CPSF4: variants seen among roughly 807,000 people sequenced by gnomAD.
CPSF4 encodes cleavage and polyadenylation specificity factor subunit 4.
Under a neutral mutation model 37.7 loss-of-function variants are expected in CPSF4, and 11 were observed. That is an observed-to-expected ratio of 0.29 (90% CI 0.18 to 0.48). The LOEUF (loss-of-function observed/expected upper bound fraction) is 0.48. Among genes scored for constraint, CPSF4 ranks in the 20% least tolerant of loss-of-function variants. CPSF4 has a pLI of 0.99. For synonymous variants in CPSF4, 132 were observed against 135.9 expected (o/e 0.97, Z 0.20); for missense variants, 144 against 359.5 (o/e 0.40, Z 4.85).
Position 99,448,422 on chromosome 7 carries a change from G to T in CPSF4, c.307+149G>T. On this transcript the variant is annotated intron_variant, in intron 3 of 7. Coordinates refer to ENST00000292476, the MANE Select transcript of CPSF4 (RefSeq NM_006693.4). This position sits in a 1 kb window ranked among gnomAD's most constrained non-coding sequence, Gnocchi z 4.4. ...TGGCAGAACCTGCCAGCCTCAGCCA[G>T]CTTTTAGGGGACAGTGTGGCTATTT... 5.8e-6 allele frequency: 4 copies of T among 684,738 alleles called. No homozygotes were observed. Among genetic ancestry groups the T allele is most frequent in the Non-Finnish European group, 9.2e-6 (4 of 436,730 alleles). 42.4% of individuals were successfully genotyped at this position (684,738 alleles called of 1,614,324 possible). A position where few individuals can be genotyped will look rare whatever the true frequency, so the allele number is the denominator to read the frequency against.
At chr7:99,449,714 C>A (rs534406825) in intron 3 of CPSF4, among the ~76,000 whole-genome samples, 1 of 152,240 alleles carries the variant, frequency 6.6e-6, no homozygotes, top group East Asian at 1.9e-4. Flanking sequence ...GTGACAAGTG[C>A]TTTGAAGGAA....
intron 1 of CPSF4, chr7:99,443,318 TTC>T: frequency 1.1e-6 from 1 of 908,320 alleles, no homozygotes; most frequent in Non-Finnish European, 1.8e-6. Flanking sequence ...TTTTTTCTTC[TTC>T]TGTTTCATCT....
chr7:99,441,539 T>C, intron 1 of CPSF4: 1 of 456,190 alleles, frequency 2.2e-6, no homozygotes, highest in African/African-American at 2.0e-5. Flanking sequence ...CCATCCCTCC[T>C]CTTCATCCCC....
intron 1 of CPSF4, among the ~76,000 whole-genome samples, chr7:99,442,417 G>C (rs938600262): frequency 1.3e-5 from 2 of 152,004 alleles, no homozygotes; most frequent in African/African-American, 4.8e-5. Context: ...AGCACTTTGG[G>C]AGGCCGAGGC....
intron 3 of CPSF4, among the ~76,000 whole-genome samples, chr7:99,449,480 TAC>T (rs1797787551): frequency 6.6e-6 from 1 of 152,216 alleles, no homozygotes; most frequent in African/African-American, 2.4e-5. Flanking sequence ...GGCACCGCTA[TAC>T]AAGTGGCCTG....
Position 99,448,256 on chromosome 7 carries a change from ACTTCTACT to A in CPSF4, c.292_299del (p.Phe98GlnfsTer28), listed in dbSNP as rs776839060. ...GACATGACCAAGATGCCCGAGTGCT[ACTTCTACT>A]CCAAGTTCGGTAAGGCGCCTGGAGC... On this transcript the variant is annotated frameshift_variant, in exon 3 of 8. Transcript: ENST00000292476. LOFTEE classifies it high-confidence loss of function. The surrounding 1 kb of genome is among the most constrained non-coding windows in gnomAD (Gnocchi z 4.4). 6.2e-7 allele frequency: 1 copy of A among 1,614,058 alleles called. No homozygotes were observed. Among genetic ancestry groups the A allele is most frequent in the African/African-American group, 1.3e-5 (1 of 75,032 alleles).
At position 99,452,411 on chromosome 7, in the gene CPSF4, C is replaced by T. The variant is rs751746470; in HGVS notation, c.541C>T (p.Leu181=). 4.3e-6 allele frequency: 7 copies of T among 1,613,972 alleles called. No individual in the cohort carries two copies. The South Asian group carries it at 5.5e-5, about 13-fold the overall frequency. ...CATGGGAACCACCGAGCAGCCCCCA[C>T]TGCCGCAGCAGACACAGCCTCCAGC... ...LPMGTTEQPP[L]PQQTQPPAKQ... The change falls in exon 6 of 8, where the codon CTG becomes TTG. Residue 181 remains leucine (L), a synonymous_variant. Coordinates refer to ENST00000292476, the MANE Select transcript of CPSF4 (RefSeq NM_006693.4).
At chr7:99,451,999 G>A (rs1318559549) in intron 5 of CPSF4, among the ~76,000 whole-genome samples, 1 of 152,222 alleles carries the variant, frequency 6.6e-6, no homozygotes, top group African/African-American at 2.4e-5. Flanking sequence ...GCTGACGCCA[G>A]AGTAAGACCC....
chr7:99,441,007 A>G (rs1325833099), intron 1 of CPSF4, among the ~76,000 whole-genome samples: 1 of 145,508 alleles, frequency 6.9e-6, no homozygotes, highest in East Asian at 2.0e-4. Flanking sequence ...CTGGAGTGCA[A>G]TGGTGCGATC....
chr7:99,456,604 C>A lies in CPSF4; in HGVS notation c.*104C>A. Reference sequence around the variant, plus strand: ...GGCGCGACTGTGGCTCGAGCTGGCCCGCAGACACGTGGGTTTCATCACTCT... The same window carrying A: ...GGCGCGACTGTGGCTCGAGCTGGCCAGCAGACACGTGGGTTTCATCACTCT... On this transcript the variant is annotated 3_prime_UTR_variant, in exon 8 of 8. Transcript: ENST00000292476. 1 of 923,910 alleles carries A rather than the reference C, an allele frequency of 1.1e-6. No homozygotes were observed. The allele number at this position is 923,910 out of a possible 1,614,324, so 57.2% of individuals were successfully genotyped here.
Position 99,453,866 on chromosome 7 carries a change from C to A in CPSF4, c.571-100C>A. The A allele has an allele frequency of 8.8e-7, 1 of 1,141,926 alleles. No homozygotes were observed. The highest frequency in any genetic ancestry group is 1.3e-6 in the Non-Finnish European group (1 of 786,944). 70.7% of individuals were successfully genotyped at this position (1,141,926 alleles called of 1,614,324 possible). ...CCGTCGTGGAAGCCCTGCTTCCTGCCGTTTGCGGGACGAGTCCCGCCCTCT... is the reference window on the plus strand; with the variant it reads ...CCGTCGTGGAAGCCCTGCTTCCTGCAGTTTGCGGGACGAGTCCCGCCCTCT... On this transcript the variant is annotated intron_variant, in intron 6 of 7. Transcript: ENST00000292476. The surrounding 1 kb of genome is among the most constrained non-coding windows in gnomAD (Gnocchi z 4.7).
chr7:99,442,809 T>A, intron 1 of CPSF4: 1 of 801,966 alleles, frequency 1.2e-6, no homozygotes, highest in South Asian at 1.4e-5. Context: ...AAGACTGCAT[T>A]TAGTATATAT....
At chr7:99,440,547 T>A (rs1796815001) in intron 1 of CPSF4, among the ~76,000 whole-genome samples, 1 of 150,900 alleles carries the variant, frequency 6.6e-6, no homozygotes, top group Non-Finnish European at 1.5e-5. Flanking sequence ...GTAGAGACAC[T>A]ATTTCATCAT....
At chr7:99,444,948 A>G in intron 2 of CPSF4, 109 bp downstream of exon 2, 1 of 936,586 alleles carries the variant, frequency 1.1e-6, no homozygotes, top group Non-Finnish European at 1.7e-6. Context: ...CTTTCTACAG[A>G]CTAACGATCT....
At chr7:99,440,668 A>G (rs1323289783) in intron 1 of CPSF4, among the ~76,000 whole-genome samples, 1 of 84,826 alleles carries the variant, frequency 1.2e-5, no homozygotes, top group African/African-American at 1.0e-4. Flanking sequence ...ATATATATAT[A>G]TATATATTTT....
chr7:99,440,674 A>ATATATATATATATATATATTT, intron 1 of CPSF4, among the ~76,000 whole-genome samples: 1 of 88,130 alleles, frequency 1.1e-5, no homozygotes, highest in African/African-American at 9.7e-5. Context: ...ATATATATAT[A>ATATATATATATATATATATTT]TTTTTTTTTT....
In CPSF4 at chr7:99,439,007, G is replaced by T; in HGVS notation, c.-76G>T. 2.1e-6 allele frequency: 3 copies of T among 1,438,514 alleles called. No individual in the cohort carries two copies. Among genetic ancestry groups the T allele is most frequent in the Non-Finnish European group, 2.8e-6 (3 of 1,083,080 alleles). The allele number at this position is 1,438,514 out of a possible 1,614,324, so 89.1% of individuals were successfully genotyped here. A position where few individuals can be genotyped will look rare whatever the true frequency, so the allele number is the denominator to read the frequency against. ...AGCGAAGGAGGAGTGTGTGCGGCGG[G>T]GCCGGCGGCGGGTAAAGGCGAGAAG... On this transcript the variant is annotated 5_prime_UTR_variant, in exon 1 of 8. Transcript: ENST00000292476.
intron 4 of CPSF4, 122 bp from the exon 5 acceptor site, chr7:99,450,580 G>C (rs969530187): frequency 5.7e-6 from 5 of 871,986 alleles, no homozygotes; most frequent in African/African-American, 1.7e-5. Context: ...GGAGGCCAGT[G>C]TTGGGAGGTG....
At chr7:99,451,691 G>A (rs45536437) in intron 5 of CPSF4, among the ~76,000 whole-genome samples, 1,634 of 152,342 alleles carry the variant, frequency 0.011, 17 homozygotes, top group African/African-American at 0.037. Context: ...CACCCCTCTT[G>A]TGGCTCCATT....
Sources: allele counts gnomAD v4.1 joint callset (sites outside exome capture counted in the v4.1 genomes callset), GRCh38; gene constraint gnomAD v4.1.1; non-coding constraint Gnocchi (gnomAD v3.1); transcripts MANE v1.5; gene names NCBI Gene and HGNC (gene_info 2026-07-23, HGNC 2026-07-21).